PCDH15: variants seen among roughly 807,000 people sequenced by gnomAD.
PCDH15 encodes protocadherin-15.
PCDH15 carries 129 observed loss-of-function variants against 178.5 expected under a neutral mutation model. The observed-to-expected ratio is 0.72, with a 90% CI of 0.63 to 0.84. The LOEUF (loss-of-function observed/expected upper bound fraction) is 0.84. Among genes scored for constraint, PCDH15 ranks in the 40% least tolerant of loss-of-function variants. The pLI is 0.00. For synonymous variants in PCDH15, 800 were observed against 732.0 expected (o/e 1.09, Z -1.50); for missense variants, 2,230 against 2,099.9 (o/e 1.06, Z -1.21).
intron 2 of PCDH15, among the ~76,000 whole-genome samples, chr10:54,981,752 A>G (rs1241717233): frequency 6.6e-6 from 1 of 151,790 alleles, no homozygotes; most frequent in African/African-American, 2.4e-5. Context: ...ATGTTTACTT[A>G]TTTTTCCTGG....
intron 3 of PCDH15, among the ~76,000 whole-genome samples, chr10:54,519,353 C>A (rs942086365): frequency 2.0e-5 from 3 of 152,120 alleles, no homozygotes; most frequent in Non-Finnish European, 4.4e-5. Context: ...TGATAAGCAA[C>A]TTCAGCAAAG....
At chr10:54,904,952 T>A (rs150826734) in intron 2 of PCDH15, among the ~76,000 whole-genome samples, 72 of 146,666 alleles carry the variant, frequency 4.9e-4, no homozygotes, top group African/African-American at 1.6e-3. Context: ...TTAGCTTTTG[T>A]TCCTTGAGCA....
intron 1 of PCDH15, among the ~76,000 whole-genome samples, chr10:54,686,703 A>T (rs191920047): frequency 8.3e-4 from 126 of 152,224 alleles, no homozygotes; most frequent in African/African-American, 3.0e-3. Flanking sequence ...AGATCAGTTG[A>T]CTATATATAC....
intron 2 of PCDH15, among the ~76,000 whole-genome samples, chr10:55,124,004 G>A (rs1837837730): frequency 1.3e-5 from 2 of 152,232 alleles, no homozygotes; most frequent in Admixed American, 6.5e-5. Flanking sequence ...GGGTGAGACT[G>A]ATGTAACACG....
chr10:54,156,234 C>T (rs2045132128), intron 13 of PCDH15, among the ~76,000 whole-genome samples: 1 of 151,848 alleles, frequency 6.6e-6, no homozygotes, highest in Non-Finnish European at 1.5e-5. Flanking sequence ...TTCATAATTC[C>T]TTCCTCTCAG....
intron 1 of PCDH15, among the ~76,000 whole-genome samples, chr10:54,767,435 C>CTGAT (rs1948640657): frequency 6.6e-6 from 1 of 152,016 alleles, no homozygotes; most frequent in Admixed American, 6.6e-5. Flanking sequence ...TAGAAGAATT[C>CTGAT]CAATTAAATT....
intron 2 of PCDH15, among the ~76,000 whole-genome samples, chr10:54,659,213 G>A (rs2135360572): frequency 6.6e-6 from 1 of 152,274 alleles, no homozygotes; most frequent in African/African-American, 2.4e-5. Context: ...GCACCAGATA[G>A]ATTATCAAGG....
At chr10:54,268,419 G>A (rs2057832604) in intron 8 of PCDH15, among the ~76,000 whole-genome samples, 2 of 151,900 alleles carry the variant, frequency 1.3e-5, no homozygotes, top group South Asian at 4.1e-4. Context: ...AACAAAAATT[G>A]ACAAGTGAGA....
chr10:55,623,777 C>T (rs771113893), intron 2 of PCDH15, among the ~76,000 whole-genome samples: 1 of 150,912 alleles, frequency 6.6e-6, no homozygotes, highest in East Asian at 1.9e-4. Context: ...TAAATGGGCA[C>T]TAACACCTTC....
At chr10:54,736,765 T>C (rs114344274) in intron 1 of PCDH15, among the ~76,000 whole-genome samples, 3,128 of 152,154 alleles carry the variant, frequency 0.021, 103 homozygotes, top group African/African-American at 0.069. Flanking sequence ...CGAAAATTCA[T>C]GTCCCATATT....
intron 2 of PCDH15, among the ~76,000 whole-genome samples, chr10:55,412,146 C>A (rs193222678): frequency 3.3e-5 from 5 of 152,082 alleles, no homozygotes; most frequent in African/African-American, 1.2e-4. Flanking sequence ...TTATGAAATT[C>A]TTGGACTGAG....
At position 54,174,702 on chromosome 10, in the gene PCDH15, CTTTT is replaced by C. The variant is rs1169302544; in HGVS notation, c.1590+8738_1590+8741del. The stretch of plus-strand genomic sequence containing the variant: ...CTTCTTTCTTTTTTCTTTTTCTTTT[CTTTT>C]TTTTTTTTTTTTTTTTTGAGACAGA... On this transcript the variant is annotated intron_variant, in intron 13 of 37. Transcript: ENST00000644397. Among the ~76,000 whole-genome samples, 3 of 84,054 alleles carry C rather than the reference CTTTT, an allele frequency of 3.6e-5. No homozygotes were observed. In the East Asian group the frequency reaches 8.9e-4, roughly 25 times the overall value. The allele number at this position is 84,054 out of a possible 152,430, so 55.1% of individuals were successfully genotyped here.
At chr10:54,317,019 TA>T (rs1266230256) in intron 8 of PCDH15, among the ~76,000 whole-genome samples, 1 of 152,066 alleles carries the variant, frequency 6.6e-6, no homozygotes, top group African/African-American at 2.4e-5. Context: ...GATTTATTGG[TA>T]AAAAAATAAA....
intron 1 of PCDH15, among the ~76,000 whole-genome samples, chr10:54,707,054 A>T (rs980834797): frequency 2.6e-5 from 4 of 152,218 alleles, no homozygotes; most frequent in Admixed American, 6.5e-5. Flanking sequence ...TGTTAATAGT[A>T]AGAGATGTGG....
chr10:54,374,370 CA>C (rs1948108196), intron 4 of PCDH15, among the ~76,000 whole-genome samples: 2 of 152,186 alleles, frequency 1.3e-5, no homozygotes, highest in African/African-American at 4.8e-5. Context: ...TCTCTCGTTT[CA>C]AAAGCTTTTA....
intron 2 of PCDH15, among the ~76,000 whole-genome samples, chr10:55,349,665 T>G (rs1463573765): frequency 6.6e-6 from 1 of 152,090 alleles, no homozygotes; most frequent in Non-Finnish European, 1.5e-5. Flanking sequence ...AATAGAACAT[T>G]TGCTGTAAAT....
At chr10:54,401,123 C>G (rs1951881905) in intron 3 of PCDH15, among the ~76,000 whole-genome samples, 1 of 151,938 alleles carries the variant, frequency 6.6e-6, no homozygotes, top group South Asian at 2.1e-4. Flanking sequence ...CTTTGCTCTT[C>G]AGAGATAGTG....
chr10:55,425,656 T>TCACA (rs145398693), intron 2 of PCDH15, among the ~76,000 whole-genome samples: 10 of 96,350 alleles, frequency 1.0e-4, no homozygotes, highest in African/African-American at 4.9e-4. Context: ...TACTAGCTTT[T>TCACA]CACACACACA....
At chr10:53,942,667 C>A (rs1464598777) in intron 23 of PCDH15, among the ~76,000 whole-genome samples, 1 of 152,190 alleles carries the variant, frequency 6.6e-6, no homozygotes, top group Non-Finnish European at 1.5e-5. Flanking sequence ...TCCAACATCC[C>A]ACAAGAAACT....
Sources: allele counts gnomAD v4.1 joint callset (sites outside exome capture counted in the v4.1 genomes callset), GRCh38; gene constraint gnomAD v4.1.1; transcripts MANE v1.5; gene names NCBI Gene and HGNC (gene_info 2026-07-23, HGNC 2026-07-21).